Variants in AOX1 observed in about 807,000 individuals in gnomAD.
AOX1 encodes the protein aldehyde oxidase 1, also known as aldehyde oxidase.
A neutral mutation model predicts 169.5 loss-of-function variants in AOX1; 153 were observed. The ratio of observed to expected loss-of-function variants is 0.90; its 90% CI spans 0.79 to 1.03. The LOEUF is 1.03. Among genes scored for constraint, AOX1 ranks in the 50% least tolerant of loss-of-function variants. AOX1 has a pLI of 0.00. For synonymous variants in AOX1, 562 were observed against 581.9 expected (o/e 0.97, Z 0.49); for missense variants, 1,656 against 1,663.9 (o/e 1.00, Z 0.08).
intron 18 of AOX1, among the ~76,000 whole-genome samples, chr2:200,622,511 T>C (rs1183082861): frequency 6.6e-6 from 1 of 152,218 alleles, no homozygotes; most frequent in Non-Finnish European, 1.5e-5. Context: ...AGATATTATC[T>C]GTAGAAATGA....
In AOX1 at chr2:200,597,412, T is replaced by G. The variant is rs934128307; in HGVS notation, c.216T>G (p.Asn72Lys). Residue 72 changes from asparagine to lysine, a missense_variant, in exon 4 of 35, where the codon AAT becomes AAG. Transcript: ENST00000374700. ...CATTCTGAAGGCATCACCCAGCCAATGCCTGTCTGATTCCCATCTGTTCTC... is the reference window on the plus strand; with the variant it reads ...CATTCTGAAGGCATCACCCAGCCAAGGCCTGTCTGATTCCCATCTGTTCTC... ...ITKRIRHHPA[N>K]ACLIPICSLY... is the part of the protein sequence containing the mutation. 11 of 1,608,558 alleles carry G rather than the reference T, an allele frequency of 6.8e-6. No individual in the cohort carries two copies. The highest frequency in any genetic ancestry group is 5.1e-5 in the Admixed American group (3 of 59,398).
chr2:200,602,553 G>A (rs1025072415), intron 6 of AOX1, among the ~76,000 whole-genome samples: 1 of 151,968 alleles, frequency 6.6e-6, no homozygotes, highest in Non-Finnish European at 1.5e-5. Context: ...ATGAACACCT[G>A]AGCATTTTGA....
chr2:200,655,192 G>A (rs895395083), intron 26 of AOX1, among the ~76,000 whole-genome samples: 5 of 152,216 alleles, frequency 3.3e-5, no homozygotes, highest in African/African-American at 1.2e-4. Flanking sequence ...CCTACCGCAT[G>A]TGTGTTGCTA....
intron 22 of AOX1, 128 bp downstream of exon 22, chr2:200,637,172 G>A (rs746259396): frequency 1.2e-4 from 138 of 1,160,710 alleles, no homozygotes; most frequent in Non-Finnish European, 1.5e-4. Flanking sequence ...ACACAAACAA[G>A]CTGCCAGCTT....
At chr2:200,637,452 CAT>C (rs995948064) in intron 22 of AOX1, among the ~76,000 whole-genome samples, 75 of 152,052 alleles carry the variant, frequency 4.9e-4, no homozygotes, top group African/African-American at 1.2e-3. Context: ...TACATACACA[CAT>C]ATATGTTTAT....
chr2:200,616,465 A>G (rs1170253387), intron 16 of AOX1, among the ~76,000 whole-genome samples: 1 of 152,242 alleles, frequency 6.6e-6, no homozygotes, highest in African/African-American at 2.4e-5. Flanking sequence ...CACAGCCCCT[A>G]GAGGTTGATG....
rs774054603 is a variant in AOX1, at chr2:200,621,251, TG to T, written c.2001+6del. The T allele has an allele frequency of 6.2e-7, 1 of 1,607,320 alleles. No individual in the cohort carries two copies. The highest frequency in any genetic ancestry group is 1.1e-5 in the South Asian group (1 of 89,428). ...AAATTTCTGGCGACAGATAAGGTAC[TG>T]CATTTTTGCTTTCTATTTGAAAAAT... is the stretch of plus-strand genomic sequence containing the variant. On this transcript the variant is annotated splice_donor_region_variant and intron_variant, in intron 18 of 34. Transcript: ENST00000374700.
chr2:200,598,356 C>G (rs574290265), intron 4 of AOX1, among the ~76,000 whole-genome samples: 1 of 152,128 alleles, frequency 6.6e-6, no homozygotes, highest in South Asian at 2.1e-4. Flanking sequence ...AGTTTTTTGG[C>G]TTTTCTCCTA....
At chr2:200,600,747 C>T (rs2034397310) in intron 5 of AOX1, among the ~76,000 whole-genome samples, 1 of 152,120 alleles carries the variant, frequency 6.6e-6, no homozygotes. Flanking sequence ...CAGATCTTAT[C>T]ATGAATTTGA....
intron 19 of AOX1, among the ~76,000 whole-genome samples, chr2:200,626,726 C>T (rs557645301): frequency 2.0e-5 from 3 of 152,302 alleles, no homozygotes; most frequent in South Asian, 2.1e-4. Flanking sequence ...TGCTCATCCC[C>T]ACAAAGAAGG....
intron 10 of AOX1, among the ~76,000 whole-genome samples, chr2:200,607,652 A>G (rs1381938292): frequency 6.6e-6 from 1 of 152,232 alleles, no homozygotes; most frequent in Non-Finnish European, 1.5e-5. Flanking sequence ...ATTCCACTAT[A>G]AAGACACATG....
intron 25 of AOX1, among the ~76,000 whole-genome samples, chr2:200,643,024 T>G (rs2035385118): frequency 6.6e-6 from 1 of 152,164 alleles, no homozygotes; most frequent in Non-Finnish European, 1.5e-5. Context: ...TCCTGAGGAC[T>G]GAGCACTGCA....
chr2:200,613,997 A>C (rs75804136), intron 15 of AOX1, 31 bp downstream of exon 15: 32,996 of 1,601,302 alleles, frequency 0.021, 471 homozygotes, highest in Middle Eastern at 0.067. Flanking sequence ...TAACTTCCCC[A>C]GTACTGGGAG....
intron 28 of AOX1, 126 bp from the exon 29 acceptor site, chr2:200,659,869 G>T (rs2035786807): frequency 1.5e-6 from 1 of 682,100 alleles, no homozygotes; most frequent in South Asian, 1.8e-5. Flanking sequence ...CTTCATACAG[G>T]GTTGGTGTCT....
chr2:200,668,904 A>G, intron 33 of AOX1, 101 bp downstream of exon 33: 2 of 969,676 alleles, frequency 2.1e-6, no homozygotes, highest in Middle Eastern at 2.4e-4. Context: ...TTTTACCAGG[A>G]TTGCAGAAGA....
At chr2:200,666,186 C>T (rs2035921208) in intron 31 of AOX1, among the ~76,000 whole-genome samples, 1 of 152,160 alleles carries the variant, frequency 6.6e-6, no homozygotes, top group Admixed American at 6.5e-5. Context: ...TTCTCTGCTA[C>T]AAAAATGAAA....
chr2:200,657,165 A>AAAAAAAAAAAATATATATATAT (rs1179205121), intron 27 of AOX1, among the ~76,000 whole-genome samples: 1 of 88,408 alleles, frequency 1.1e-5, no homozygotes, highest in African/African-American at 5.2e-5. Context: ...CTCTACCAAA[A>AAAAAAAAAAAATATATATATAT]ATATATATAT....
chr2:200,633,454 T>G (rs2035168733), intron 20 of AOX1, among the ~76,000 whole-genome samples: 1 of 152,146 alleles, frequency 6.6e-6, no homozygotes, highest in Non-Finnish European at 1.5e-5. Flanking sequence ...TGTACATTAA[T>G]CATTTCCTCT....
intron 25 of AOX1, among the ~76,000 whole-genome samples, chr2:200,643,709 C>T (rs759553550): frequency 3.3e-5 from 5 of 151,988 alleles, no homozygotes; most frequent in Admixed American, 6.6e-5. Context: ...ACCACATCCA[C>T]GCCAACATGT....
Sources: allele counts gnomAD v4.1 joint callset (sites outside exome capture counted in the v4.1 genomes callset), GRCh38; gene constraint gnomAD v4.1.1; transcripts MANE v1.5; gene names NCBI Gene and HGNC (gene_info 2026-07-23, HGNC 2026-07-21).